The following SYN2 variants were observed in gnomAD, a reference collection of about 807,000 sequenced individuals.
SYN2 encodes the protein synapsin II, also known as synapsin-2.
A neutral mutation model predicts 50.9 loss-of-function variants in SYN2; 19 were observed. The ratio of observed to expected loss-of-function variants is 0.37; its 90% CI spans 0.26 to 0.55. The LOEUF is 0.55. Ranked by LOEUF, SYN2 falls within the 20% of genes least tolerant of loss-of-function variation. SYN2 has a pLI of 0.81. For synonymous variants in SYN2, 255 were observed against 224.9 expected, an observed-to-expected ratio of 1.13 and a Z score of -1.20; for missense variants, 587 against 576.4, an observed-to-expected ratio of 1.02 and a Z score of -0.19.
intron 1 of SYN2, among the ~76,000 whole-genome samples, chr3:12,111,795 C>T (rs965826132): frequency 2.0e-5 from 3 of 152,188 alleles, no homozygotes; most frequent in African/African-American, 7.2e-5. Flanking sequence ...TTGGGCCATT[C>T]ATTCCTAGGG....
chr3:12,150,216 G>A (rs1697247354), intron 4 of SYN2, among the ~76,000 whole-genome samples: 1 of 152,144 alleles, frequency 6.6e-6, no homozygotes, highest in South Asian at 2.1e-4. Context: ...CAGTGGCTTC[G>A]AGTGTGAACT....
rs1698371758 is a variant in SYN2, at chr3:12,187,667, C to T, written c.1613+55C>T. 3 of 1,483,462 alleles carry T rather than the reference C, an allele frequency of 2.0e-6. No individual in the cohort carries two copies. The South Asian group carries it at 4.0e-5, about 20-fold the overall frequency. 91.9% of individuals were successfully genotyped at this position (1,483,462 alleles called of 1,614,324 possible). ...CCCTCCTCCTACCCTTCCTGTGGGCCTTGGGCTCCAGAGCTGCTAGAAATC... is the reference window on the plus strand; with the variant it reads ...CCCTCCTCCTACCCTTCCTGTGGGCTTTGGGCTCCAGAGCTGCTAGAAATC... On this transcript the variant is annotated intron_variant, in intron 12 of 12. Coordinates refer to ENST00000621198, the MANE Select transcript of SYN2 (RefSeq NM_133625.6).
Position 12,144,395 on chromosome 3 carries a change from G to A in SYN2, c.528-1284G>A, listed in dbSNP as rs1000225072. 4.6e-5 allele frequency among the ~76,000 whole-genome samples: 7 copies of A among 152,272 alleles called. No homozygotes were observed. The East Asian group carries it at 1.4e-3, about 29-fold the overall frequency. The stretch of plus-strand genomic sequence containing the variant: ...CCTTGCTCTCCTGGGGGCCTGATGA[G>A]GGCATTGCCTATTTTAAGGAGCAGC... On this transcript the variant is annotated intron_variant, in intron 3 of 12. Transcript: ENST00000621198.
chr3:12,169,004 C>T (rs945701930), intron 9 of SYN2, among the ~76,000 whole-genome samples: 5 of 152,194 alleles, frequency 3.3e-5, no homozygotes, highest in Non-Finnish European at 7.4e-5. Context: ...TGGCTGGGAG[C>T]AGGAAAGGCT....
intron 7 of SYN2, among the ~76,000 whole-genome samples, chr3:12,163,968 G>A (rs1697720417): frequency 6.6e-6 from 1 of 152,092 alleles, no homozygotes; most frequent in African/African-American, 2.4e-5. Context: ...TAGCTACTTA[G>A]GAGTCTGAGG....
In SYN2 at chr3:12,044,181, T is replaced by TCTCTCTCTCTCTCA. The variant is rs573246278; in HGVS notation, c.377+39254_377+39255insTCTCTCTCTCTCAC. Among the ~76,000 whole-genome samples the TCTCTCTCTCTCTCA allele has an allele frequency of 6.1e-3, 323 of 53,356 alleles. 3 individuals are homozygous for TCTCTCTCTCTCTCA. Among genetic ancestry groups the TCTCTCTCTCTCTCA allele is most frequent in the African/African-American group, 0.014 (295 of 21,580 alleles). The allele number at this position is 53,356 out of a possible 152,430, so 35.0% of individuals were successfully genotyped here. On this transcript the variant is annotated intron_variant, in intron 1 of 12. Coordinates refer to ENST00000621198, the MANE Select transcript of SYN2 (RefSeq NM_133625.6). ...AAAGTTCTCTCTCTCTCTCTCTCTC[T>TCTCTCTCTCTCTCA]CACACACACACACACACACACACAC... is the stretch of plus-strand genomic sequence containing the variant.
At chr3:12,121,010 A>G (rs989358208) in intron 1 of SYN2, among the ~76,000 whole-genome samples, 2 of 152,190 alleles carry the variant, frequency 1.3e-5, no homozygotes, top group Admixed American at 1.3e-4. Flanking sequence ...TCCTTGCCTT[A>G]TATTTTAGGT....
chr3:12,053,188 C>T (rs923716213), intron 1 of SYN2, among the ~76,000 whole-genome samples: 3 of 151,992 alleles, frequency 2.0e-5, no homozygotes, highest in African/African-American at 2.4e-5. Context: ...TTTGGGAGGC[C>T]GAGGTGGGTG....
chr3:12,076,660 C>A (rs1279941342), intron 1 of SYN2, among the ~76,000 whole-genome samples: 1 of 151,992 alleles, frequency 6.6e-6, no homozygotes, highest in Non-Finnish European at 1.5e-5. Context: ...TTTAATTTAA[C>A]CTCACAGCAA....
intron 1 of SYN2, among the ~76,000 whole-genome samples, chr3:12,137,148 T>C (rs979011826): frequency 2.0e-5 from 3 of 151,484 alleles, no homozygotes; most frequent in African/African-American, 7.3e-5. Flanking sequence ...CTCTGGAGGC[T>C]GAGGCAGGAG....
intron 7 of SYN2, among the ~76,000 whole-genome samples, chr3:12,162,844 A>T (rs1166555044): frequency 6.6e-6 from 1 of 152,240 alleles, no homozygotes; most frequent in Non-Finnish European, 1.5e-5. Context: ...CTGCATTAGA[A>T]TTTAGTAAAG....
At chr3:12,122,829 A>G (rs1696589579) in intron 1 of SYN2, among the ~76,000 whole-genome samples, 1 of 152,200 alleles carries the variant, frequency 6.6e-6, no homozygotes, top group African/African-American at 2.4e-5. Context: ...TGGTAAAAAG[A>G]TCTCTACTGT....
intron 1 of SYN2, among the ~76,000 whole-genome samples, chr3:12,045,804 A>G (rs908982820): frequency 2.0e-5 from 3 of 152,222 alleles, no homozygotes; most frequent in Non-Finnish European, 4.4e-5. Flanking sequence ...CCAGAAGCAC[A>G]GGAGAGTACT....
chr3:12,151,164 T>G, intron 4 of SYN2, 73 bp from the exon 5 acceptor site: 3 of 1,063,298 alleles, frequency 2.8e-6, no homozygotes, highest in Non-Finnish European at 4.3e-6. Context: ...TCAATAAATA[T>G]TTGATGAGTT....
Position 12,111,156 on chromosome 3 carries a change from T to G in SYN2, c.378-29495T>G, listed in dbSNP as rs1696304802. On this transcript the variant is annotated intron_variant, in intron 1 of 12. Transcript: ENST00000621198. ...GAATCAGGGGGGCAGATCTTTCCTG[T>G]GCTGTTCTCATGATAGTGAATAAGT... Among the ~76,000 whole-genome samples the G allele has an allele frequency of 2.0e-5, 3 of 152,170 alleles. 1 individual carries two copies. The South Asian group carries it at 6.2e-4, about 32-fold the overall frequency.
intron 1 of SYN2, among the ~76,000 whole-genome samples, chr3:12,097,620 A>G (rs1246220561): frequency 1.3e-5 from 2 of 151,898 alleles, no homozygotes; most frequent in African/African-American, 2.4e-5. Context: ...AAAAAAAAAA[A>G]AAGAAAGAAA....
At chr3:12,057,963 A>T (rs758132945) in intron 1 of SYN2, among the ~76,000 whole-genome samples, 1 of 152,184 alleles carries the variant, frequency 6.6e-6, no homozygotes, top group Non-Finnish European at 1.5e-5. Context: ...ATCACCTGGG[A>T]TGCCTACTTT....
At chr3:12,159,972 G>A (rs1697601138) in intron 5 of SYN2, among the ~76,000 whole-genome samples, 1 of 150,198 alleles carries the variant, frequency 6.7e-6, no homozygotes, top group Non-Finnish European at 1.5e-5. Context: ...GAACCCAGGA[G>A]GCGGAGGTTG....
intron 1 of SYN2, among the ~76,000 whole-genome samples, chr3:12,076,017 C>T (rs952843055): frequency 6.6e-6 from 1 of 151,982 alleles, no homozygotes; most frequent in African/African-American, 2.4e-5. Context: ...TTATTATCAC[C>T]ATTTTATAGA....
Sources: allele counts gnomAD v4.1 joint callset (sites outside exome capture counted in the v4.1 genomes callset), GRCh38; gene constraint gnomAD v4.1.1; transcripts MANE v1.5; gene names NCBI Gene and HGNC (gene_info 2026-07-23, HGNC 2026-07-21).